Variants in EFCAB13 observed in about 807,000 individuals in gnomAD.
EFCAB13 encodes EF-hand calcium-binding domain-containing protein 13.
EFCAB13 carries 91 observed loss-of-function variants against 110.2 expected under a neutral mutation model. The ratio of observed to expected loss-of-function variants is 0.83; its 90% CI spans 0.70 to 0.98. EFCAB13 has a LOEUF of 0.98. Ranked by LOEUF, EFCAB13 falls within the 50% of genes least tolerant of loss-of-function variation. The probability of loss-of-function intolerance (pLI) is 0.00; values close to 1 mark genes in which losing one functional copy is unlikely to be tolerated. For synonymous variants in EFCAB13, 323 were observed against 369.9 expected (o/e 0.87, Z 1.45); for missense variants, 968 against 1,119.4 (o/e 0.86, Z 1.93).
intron 4 of EFCAB13, 60 bp from the exon 5 acceptor site, chr17:47,335,136 T>C (rs2065341810): frequency 6.9e-6 from 10 of 1,441,158 alleles, no homozygotes; most frequent in Non-Finnish European, 9.2e-6. Context: ...ACCCAGAATG[T>C]CATATTTAAT....
intron 14 of EFCAB13, among the ~76,000 whole-genome samples, 187 bp from the exon 15 acceptor site, chr17:47,391,250 T>C (rs1490531219): frequency 1.3e-5 from 2 of 152,192 alleles, no homozygotes; most frequent in East Asian, 1.9e-4. Flanking sequence ...TAGAATAATA[T>C]ATTTTTGACT....
chr17:47,344,183 C>A lies in EFCAB13; in HGVS notation c.325C>A (p.Leu109Met), dbSNP rs199897750. The change falls in exon 7 of 25, where the codon CTG becomes ATG. Residue 109 changes from leucine to methionine, a missense_variant. Coordinates refer to ENST00000331493, the MANE Select transcript of EFCAB13 (RefSeq NM_152347.5). ...CTAGATTATCCCTCCTTTTCTGAAG[C>A]TGTCAAAGGAGAAGGTGACAAGGAA... ...RTEIIPPFLK[L>M]SKEKVTRKEN... 1.2e-5 allele frequency: 20 copies of A among 1,612,844 alleles called. No homozygotes were observed. In the East Asian group the frequency reaches 4.2e-4, roughly 34 times the overall value.
At chr17:47,351,318 C>CGCGCGCGCGCAT (rs2065451683) in intron 9 of EFCAB13, among the ~76,000 whole-genome samples, 1 of 34,234 alleles carries the variant, frequency 2.9e-5, no homozygotes, top group Non-Finnish European at 8.5e-5. Context: ...CGCGCGCGCG[C>CGCGCGCGCGCAT]GCGCGCGCGC....
At chr17:47,424,797 T>G (rs1191806404) in intron 23 of EFCAB13, among the ~76,000 whole-genome samples, 1 of 151,292 alleles carries the variant, frequency 6.6e-6, no homozygotes, top group African/African-American at 2.4e-5. Context: ...TTTCTAAAGT[T>G]AAATTCTCAT....
In EFCAB13 at chr17:47,414,931, C is replaced by T. The variant is rs772958025; in HGVS notation, c.2494+12C>T. On this transcript the variant is annotated intron_variant, in intron 23 of 24. Transcript: ENST00000331493. ...CCAAAAGTCCAAGGGTAAGTGAATA[C>T]TTCTTGTTCAAGAGAATGGCTAGAA... The T allele has an allele frequency of 4.1e-5, 63 of 1,545,284 alleles. No individual in the cohort carries two copies. Among genetic ancestry groups the T allele is most frequent in the Non-Finnish European group, 5.4e-5 (61 of 1,128,694 alleles).
At chr17:47,339,182 C>G (rs1242250813) in intron 5 of EFCAB13, among the ~76,000 whole-genome samples, 1 of 151,780 alleles carries the variant, frequency 6.6e-6, no homozygotes, top group African/African-American at 2.4e-5. Flanking sequence ...TTAAGTCTAC[C>G]CTAGATTACT....
At position 47,395,977 on chromosome 17, in the gene EFCAB13, GGTGA is replaced by G. The variant is rs144853553; in HGVS notation, c.1945+4_1945+7del. On this transcript the variant is annotated splice_donor_variant and splice_donor_region_variant and intron_variant, in intron 17 of 24. Coordinates refer to ENST00000331493, the MANE Select transcript of EFCAB13 (RefSeq NM_152347.5). LOFTEE classifies it high-confidence loss of function. ...TGCATTGGAACTAGTGACAGTTGAT[GGTGA>G]GTGTTACAAATACTAAAATTAAAAA... is the stretch of plus-strand genomic sequence containing the variant. The G allele has an allele frequency of 3.0e-3, 4,842 of 1,599,720 alleles. 103 individuals carry two copies. The African/African-American group carries it at 0.051, about 17-fold the overall frequency.
chr17:47,424,657 A>G (rs1904865688), intron 23 of EFCAB13, among the ~76,000 whole-genome samples: 1 of 151,820 alleles, frequency 6.6e-6, no homozygotes. Context: ...TGAATTCTTC[A>G]GCACATTATC....
At chr17:47,421,315 C>T (rs932911682) in intron 23 of EFCAB13, among the ~76,000 whole-genome samples, 3 of 152,116 alleles carry the variant, frequency 2.0e-5, no homozygotes, top group African/African-American at 7.2e-5. Context: ...AATTCTTATC[C>T]TGTTGATCTG....
At position 47,337,134 on chromosome 17, in the gene EFCAB13, A is replaced by C. The variant is rs1454694448; in HGVS notation, c.191+1778A>C. 2.0e-5 allele frequency among the ~76,000 whole-genome samples: 3 copies of C among 152,236 alleles called. No individual in the cohort carries two copies. The East Asian group carries it at 5.8e-4, about 29-fold the overall frequency. On this transcript the variant is annotated intron_variant, in intron 5 of 24. Coordinates refer to ENST00000331493, the MANE Select transcript of EFCAB13 (RefSeq NM_152347.5). ...CAATTATTTCTAGAAGACTACAATA[A>C]AACTTGTTACCTAGGAAGAAAAGGA...
chr17:47,393,950 G>T, intron 15 of EFCAB13, 75 bp from the exon 16 acceptor site: 2 of 720,344 alleles, frequency 2.8e-6, no homozygotes, highest in East Asian at 3.2e-5. Flanking sequence ...AATATATAAC[G>T]TATTTTATAT....
chr17:47,354,981 C>A (rs1248958156), intron 9 of EFCAB13, among the ~76,000 whole-genome samples: 3 of 152,048 alleles, frequency 2.0e-5, no homozygotes, highest in Non-Finnish European at 4.4e-5. Flanking sequence ...GAAATTTATG[C>A]TTTAAGGAGA....
At position 47,397,242 on chromosome 17, in the gene EFCAB13, A is replaced by G. The variant is rs1199399761; in HGVS notation, c.1945+1265A>G. Among the ~76,000 whole-genome samples the G allele has an allele frequency of 2.6e-5, 4 of 152,262 alleles. No homozygotes were observed. In the East Asian group the frequency reaches 7.7e-4, roughly 29 times the overall value. On this transcript the variant is annotated intron_variant, in intron 17 of 24. Coordinates refer to ENST00000331493, the MANE Select transcript of EFCAB13 (RefSeq NM_152347.5). Reference sequence around the variant, plus strand: ...TTGGCCGGGCTGGTCTCCAGCTCCTAGCCGCGAGTGATCCGCCAGCCTCGG... The same window carrying G: ...TTGGCCGGGCTGGTCTCCAGCTCCTGGCCGCGAGTGATCCGCCAGCCTCGG...
chr17:47,343,510 G>T (rs991913802), intron 6 of EFCAB13, among the ~76,000 whole-genome samples: 24 of 151,994 alleles, frequency 1.6e-4, no homozygotes, highest in Non-Finnish European at 1.5e-5. Flanking sequence ...TTTTGGTTCC[G>T]TATGGCATCT....
At chr17:47,347,257 G>A (rs143805235) in intron 8 of EFCAB13, among the ~76,000 whole-genome samples, 383 of 152,264 alleles carry the variant, frequency 2.5e-3, no homozygotes, top group Non-Finnish European at 4.5e-3. Flanking sequence ...TCCAGCCTGA[G>A]CAACAGAGAA....
At chr17:47,396,734 A>G (rs1441088026) in intron 17 of EFCAB13, among the ~76,000 whole-genome samples, 1 of 152,192 alleles carries the variant, frequency 6.6e-6, no homozygotes, top group East Asian at 1.9e-4. Flanking sequence ...CTTTTCATCC[A>G]TTAAGCTTCC....
At chr17:47,414,081 T>C (rs917788287) in intron 22 of EFCAB13, among the ~76,000 whole-genome samples, 2 of 152,196 alleles carry the variant, frequency 1.3e-5, no homozygotes, top group African/African-American at 4.8e-5. Flanking sequence ...CATGGAATGT[T>C]ATATGTCATA....
intron 11 of EFCAB13, among the ~76,000 whole-genome samples, chr17:47,373,469 C>T (rs2065596937): frequency 1.3e-5 from 2 of 151,986 alleles, no homozygotes; most frequent in Non-Finnish European, 1.5e-5. Flanking sequence ...TTATTGTGCT[C>T]TTTTGGTAGT....
intron 15 of EFCAB13, among the ~76,000 whole-genome samples, chr17:47,393,345 C>G (rs1183170424): frequency 6.6e-6 from 1 of 152,004 alleles, no homozygotes; most frequent in Admixed American, 6.5e-5. Context: ...TTTGCATATC[C>G]CATGGTTTAG....
Sources: allele counts gnomAD v4.1 joint callset (sites outside exome capture counted in the v4.1 genomes callset), GRCh38; gene constraint gnomAD v4.1.1; transcripts MANE v1.5; gene names NCBI Gene and HGNC (gene_info 2026-07-23, HGNC 2026-07-21).